The following SOX5 variants were observed in gnomAD, a reference collection of about 807,000 sequenced individuals.
SOX5 encodes the protein SRY-box transcription factor 5.
Under a neutral mutation model 92.0 loss-of-function variants are expected in SOX5, and 9 were observed. That is an observed-to-expected ratio of 0.10 (90% CI 0.06 to 0.17). The LOEUF (loss-of-function observed/expected upper bound fraction) is 0.17. Among genes scored for constraint, SOX5 ranks in the 10% least tolerant of loss-of-function variants. SOX5 has a pLI of 1.00. For missense variants in SOX5, 642 were observed against 944.5 expected (o/e 0.68, Z 4.20); for synonymous variants, 344 against 336.3 (o/e 1.02, Z -0.25).
At chr12:23,594,944 C>G (rs1451099718) in intron 9 of SOX5, among the ~76,000 whole-genome samples, 2 of 152,156 alleles carry the variant, frequency 1.3e-5, no homozygotes, top group Non-Finnish European at 2.9e-5. Flanking sequence ...AAAGCTCTCT[C>G]CCAAGAAGAT....
intron 2 of SOX5, among the ~76,000 whole-genome samples, chr12:24,344,015 G>T (rs1356335303): frequency 1.3e-5 from 2 of 151,804 alleles, no homozygotes; most frequent in East Asian, 3.9e-4. Context: ...CCGGGTGCAG[G>T]GGCTCACACC....
intron 1 of SOX5, among the ~76,000 whole-genome samples, chr12:24,442,820 A>C (rs927486503): frequency 1.3e-5 from 2 of 152,208 alleles, no homozygotes; most frequent in African/African-American, 2.4e-5. Flanking sequence ...CATCATAATG[A>C]CATTAGCTTT....
At chr12:23,546,291 A>C (rs767131610) in intron 12 of SOX5, 25 bp downstream of exon 12, 20 of 1,302,792 alleles carry the variant, frequency 1.5e-5, no homozygotes, top group Non-Finnish European at 2.2e-5. Context: ...CATTATTAGA[A>C]TATGTATGAA....
At chr12:24,248,768 G>C (rs1425810358) in intron 3 of SOX5, among the ~76,000 whole-genome samples, 6 of 151,796 alleles carry the variant, frequency 4.0e-5, no homozygotes, top group African/African-American at 1.2e-4. Flanking sequence ...TAGTTTCTTT[G>C]TTGCTCTCTC....
rs557051686 is a variant in SOX5 at position 24,289,679 on chromosome 12, T to C, written c.-173-12367A>G. Among the ~76,000 whole-genome samples, 18 of 148,986 alleles carry C rather than the reference T, an allele frequency of 1.2e-4. 3 individuals are homozygous for C. Among genetic ancestry groups the C allele is most frequent in the African/African-American group, 4.4e-4 (17 of 38,974 alleles). ...ACCGTTTTAGCCGGGATGGTCTCGA[T>C]CTCCTGACCTCGTGATCCGCCCGCC... On this transcript the variant is annotated intron_variant, in intron 2 of 4. Transcript: ENST00000446891.
chr12:24,471,848 TAGTC>T (rs1364979657), intron 1 of SOX5, among the ~76,000 whole-genome samples: 1 of 151,340 alleles, frequency 6.6e-6, no homozygotes, highest in East Asian at 1.9e-4. Context: ...GCAACAGCCT[TAGTC>T]AGTTGAAAAA....
chr12:23,720,883 G>T (rs1013461768), intron 6 of SOX5, among the ~76,000 whole-genome samples: 2 of 151,984 alleles, frequency 1.3e-5, no homozygotes, highest in Non-Finnish European at 2.9e-5. Context: ...GTGTTCATCC[G>T]TACCTACGAT....
chr12:23,618,563 A>T (rs1463174279), intron 8 of SOX5, among the ~76,000 whole-genome samples: 2 of 152,194 alleles, frequency 1.3e-5, no homozygotes, highest in Non-Finnish European at 1.5e-5. Context: ...CTTGAAACAC[A>T]TAAGGGGAGG....
chr12:23,977,757 C>T (rs564368499), intron 4 of SOX5, among the ~76,000 whole-genome samples: 2 of 150,600 alleles, frequency 1.3e-5, no homozygotes, highest in South Asian at 2.1e-4. Flanking sequence ...ACCCTTGTAC[C>T]TAAGAAAAGA....
intron 7 of SOX5, among the ~76,000 whole-genome samples, chr12:23,647,175 A>G (rs774850136): frequency 6.6e-6 from 1 of 152,192 alleles, no homozygotes; most frequent in Non-Finnish European, 1.5e-5. Flanking sequence ...AACAACATCC[A>G]TCTCCTTGTA....
intron 1 of SOX5, among the ~76,000 whole-genome samples, chr12:23,902,922 G>A (rs1171258506): frequency 2.0e-5 from 3 of 151,994 alleles, no homozygotes; most frequent in Admixed American, 6.6e-5. Flanking sequence ...ATAAATTAAC[G>A]AATTGAATGA....
chr12:24,001,706 G>A (rs940287429), intron 4 of SOX5, among the ~76,000 whole-genome samples: 3 of 152,084 alleles, frequency 2.0e-5, no homozygotes, highest in Middle Eastern at 3.2e-3. Flanking sequence ...ATAATTAACT[G>A]TATTTGTGTA....
intron 9 of SOX5, among the ~76,000 whole-genome samples, chr12:23,597,096 A>G (rs1473701346): frequency 2.0e-5 from 3 of 152,186 alleles, no homozygotes; most frequent in African/African-American, 7.2e-5. Context: ...GAGTCTGCAC[A>G]TGCTCCACAT....
At chr12:23,861,772 T>C (rs1043789017) in intron 2 of SOX5, among the ~76,000 whole-genome samples, 2 of 152,184 alleles carry the variant, frequency 1.3e-5, no homozygotes, top group East Asian at 3.8e-4. Flanking sequence ...AACCAGGTAC[T>C]GCTATGCCTA....
intron 10 of SOX5, among the ~76,000 whole-genome samples, chr12:23,569,485 C>T (rs962485850): frequency 1.3e-5 from 2 of 152,138 alleles, no homozygotes; most frequent in African/African-American, 4.8e-5. Context: ...ACTTTTGAAA[C>T]TCTTTAATGT....
At chr12:24,489,375 G>C (rs1566291837) in intron 1 of SOX5, among the ~76,000 whole-genome samples, 1 of 152,122 alleles carries the variant, frequency 6.6e-6, no homozygotes, top group Non-Finnish European at 1.5e-5. Flanking sequence ...AGAGGCACGT[G>C]GTGAAATCTG....
At chr12:24,540,597 G>A (rs1207467117) in intron 1 of SOX5, among the ~76,000 whole-genome samples, 1 of 152,150 alleles carries the variant, frequency 6.6e-6, no homozygotes, top group Non-Finnish European at 1.5e-5. Flanking sequence ...AAAAAAGGAT[G>A]ATGAATCTTG....
chr12:24,373,001 C>T lies in SOX5; in HGVS notation c.-250-4362G>A, dbSNP rs148629072. 5.6e-3 allele frequency among the ~76,000 whole-genome samples: 847 copies of T among 150,584 alleles called. 11 individuals carry two copies. The highest frequency in any genetic ancestry group is 0.019 in the African/African-American group (798 of 41,044). Reference sequence around the variant, plus strand: ...GGTGTGGCGGCACAGGCCTGTGGTCCCAGCTACTTGGGAGGCTAAGGTGGG... The same window carrying T: ...GGTGTGGCGGCACAGGCCTGTGGTCTCAGCTACTTGGGAGGCTAAGGTGGG... On this transcript the variant is annotated intron_variant, in intron 1 of 4. Transcript: ENST00000446891.
In SOX5 at chr12:24,426,221, AC is replaced by A. The variant is rs564322907; in HGVS notation, c.-250-57583del. Among the ~76,000 whole-genome samples the A allele has an allele frequency of 4.3e-3, 651 of 151,214 alleles. 2 individuals are homozygous for A. The highest frequency in any genetic ancestry group is 0.015 in the African/African-American group (613 of 41,200). ...GTCTCAAAAACAAACAAACAAACAAACAAAAAAAACACTGCATATTCTCACT... is the reference window on the plus strand; with the variant it reads ...GTCTCAAAAACAAACAAACAAACAAAAAAAAAAACACTGCATATTCTCACT... On this transcript the variant is annotated intron_variant, in intron 1 of 4. Transcript: ENST00000446891.
Sources: gnomAD v4.1 joint callset for allele counts (sites outside exome capture counted in the v4.1 genomes callset) on GRCh38, gnomAD v4.1.1 for gene constraint, MANE v1.5 for transcripts, NCBI Gene and HGNC (gene_info 2026-07-23, HGNC 2026-07-21) for gene names.